The following GTF3C3 variants were observed in gnomAD, a reference collection of about 807,000 sequenced individuals.
GTF3C3 encodes general transcription factor 3C polypeptide 3.
GTF3C3 carries 75 observed loss-of-function variants against 105.2 expected under a neutral mutation model. The observed-to-expected ratio is 0.71, with a 90% confidence interval of 0.59 to 0.86. GTF3C3 has a LOEUF of 0.86. Among genes scored for constraint, GTF3C3 ranks in the 40% least tolerant of loss-of-function variants. The pLI, the probability that GTF3C3 is intolerant of heterozygous loss-of-function variation, is 0.00. For missense variants in GTF3C3, 856 were observed against 1,076.5 expected, an observed-to-expected ratio of 0.80 and a Z score of 2.87; for synonymous variants, 335 against 370.4, an observed-to-expected ratio of 0.90 and a Z score of 1.10.
intron 8 of GTF3C3, among the ~76,000 whole-genome samples, chr2:196,782,123 T>G (rs923425032): frequency 3.9e-5 from 6 of 152,058 alleles, no homozygotes; most frequent in African/African-American, 1.4e-4. Flanking sequence ...TATTAAGAGG[T>G]GGGTCTTGGG....
chr2:196,781,357 A>AAAAAAAAAAAAAAAAATATAT, intron 8 of GTF3C3, among the ~76,000 whole-genome samples: 3 of 18,820 alleles, frequency 1.6e-4, no homozygotes, highest in Non-Finnish European at 3.0e-4. Flanking sequence ...AAAAAAAAAA[A>AAAAAAAAAAAAAAAAATATAT]ATATATATAT....
chr2:196,765,655 T>G (rs1699049194), intron 17 of GTF3C3, among the ~76,000 whole-genome samples: 1 of 150,732 alleles, frequency 6.6e-6, no homozygotes, highest in Admixed American at 6.6e-5. Context: ...AATAGTAAAT[T>G]TATATATAAA....
chr2:196,795,028 A>ATT (rs1037507103), intron 2 of GTF3C3, among the ~76,000 whole-genome samples: 2 of 145,854 alleles, frequency 1.4e-5, no homozygotes, highest in African/African-American at 5.1e-5. Context: ...CATGCCCAGC[A>ATT]TTTTTTTTGT....
At chr2:196,797,935 C>A (rs760305100) in intron 1 of GTF3C3, 27 bp from the exon 2 acceptor site, 9 of 1,263,578 alleles carry the variant, frequency 7.1e-6, no homozygotes, top group Non-Finnish European at 1.0e-5. Context: ...ATTAATGATT[C>A]CAAAAAATAA....
Position 196,789,991 on chromosome 2 carries a change from A to C in GTF3C3, c.615T>G (p.Phe205Leu), listed in dbSNP as rs571354718. The C allele has an allele frequency of 6.2e-7, 1 of 1,613,626 alleles. No individual in the cohort carries two copies. The highest frequency in any genetic ancestry group is 1.3e-5 in the African/African-American group (1 of 75,030). The part of the protein sequence containing the change: ...DQGDMEKSLQ[F>L]ELIAAHLNPS... The stretch of plus-strand genomic sequence containing the variant: ...GATTTAAATGCGCAGCAATCAACTC[A>C]AACTGCAATGATTTTTCCATGTCAC... The change falls in exon 5 of 18, where the codon TTT becomes TTG. Residue 205 changes from phenylalanine (F) to leucine (L), a missense_variant. By Grantham distance (22) the Phe-to-Leu change is conservative. Around this residue, in one of 3 missense-constraint regions of GTF3C3, gnomAD observed 605 missense variants for 833.6 expected, o/e 0.73. Transcript: ENST00000263956.
intron 12 of GTF3C3, 61 bp from the exon 13 acceptor site, chr2:196,775,312 G>A: frequency 6.8e-7 from 1 of 1,461,964 alleles, no homozygotes. Flanking sequence ...TAGAGACAAA[G>A]TCTTGTTATG....
In GTF3C3 at chr2:196,799,630, T is replaced by G; in HGVS notation, c.-19A>C. Reference sequence around the variant, plus strand: ...CTGACATGTTTACAGGGTCTGTCTGTGCAACCCCAGGAACCGGGACAGAGA... The same window carrying G: ...CTGACATGTTTACAGGGTCTGTCTGGGCAACCCCAGGAACCGGGACAGAGA... On this transcript the variant is annotated 5_prime_UTR_variant, in exon 1 of 18. Coordinates refer to ENST00000263956, the MANE Select transcript of GTF3C3 (RefSeq NM_012086.5). The G allele has an allele frequency of 6.4e-7, 1 of 1,561,958 alleles. No individual in the cohort carries two copies.
intron 4 of GTF3C3, 55 bp downstream of exon 4, chr2:196,791,282 G>C (rs1255283657): frequency 2.5e-6 from 4 of 1,579,462 alleles, no homozygotes; most frequent in Non-Finnish European, 3.5e-6. Context: ...TCCCCCATTT[G>C]TTTTAAGTCA....
rs751872209 is a variant in GTF3C3 at position 196,764,556 on chromosome 2, C to T, written c.*7G>A. The T allele has an allele frequency of 1.2e-5, 19 of 1,611,366 alleles. No homozygotes were observed. Among genetic ancestry groups the T allele is most frequent in the Non-Finnish European group, 1.4e-5 (16 of 1,178,406 alleles). On this transcript the variant is annotated 3_prime_UTR_variant, in exon 18 of 18. Transcript: ENST00000263956. ...GCTGCCATTGCTCTGTTCTCAGTTG[C>T]GGTGCTTTATATAGAACAATAGGTA...
rs971203758 is a variant in GTF3C3, at chr2:196,773,801, G to A, written c.1832-648C>T. The A allele has an allele frequency of 2.8e-4, 73 of 262,022 alleles. 1 individual carries two copies. Among genetic ancestry groups the A allele is most frequent in the Non-Finnish European group, 4.5e-4 (57 of 126,764 alleles). The allele number at this position is 262,022 out of a possible 1,614,324, so 16.2% of individuals were successfully genotyped here. A position where few individuals can be genotyped will look rare whatever the true frequency, so the allele number is the denominator to read the frequency against. On this transcript the variant is annotated intron_variant, in intron 13 of 17. Transcript: ENST00000263956. ...AAGGAGCGTGCAACCTAGATCCCTCGCATGGGCAGTTTACAATAGGGTTTG... is the reference window on the plus strand; with the variant it reads ...AAGGAGCGTGCAACCTAGATCCCTCACATGGGCAGTTTACAATAGGGTTTG...
At chr2:196,769,667 C>T (rs1699135860) in intron 16 of GTF3C3, among the ~76,000 whole-genome samples, 1 of 152,030 alleles carries the variant, frequency 6.6e-6, no homozygotes, top group Non-Finnish European at 1.5e-5. Context: ...TGCATTCCTC[C>T]AGATTCTGCC....
At chr2:196,789,512 C>G in intron 5 of GTF3C3, 143 bp from the exon 6 acceptor site, 1 of 600,266 alleles carries the variant, frequency 1.7e-6, no homozygotes, top group Non-Finnish European at 2.9e-6. Flanking sequence ...TCTATATTCA[C>G]AGGAACTCTT....
Position 196,786,340 on chromosome 2 carries a change from C to T in GTF3C3, c.894-752G>A, listed in dbSNP as rs1353784261. On this transcript the variant is annotated intron_variant, in intron 6 of 17. Transcript: ENST00000263956. This position sits in a 1 kb window ranked among gnomAD's most constrained non-coding sequence, Gnocchi z 4.2. ...TGTGGGGCAGTAATGTCCTAGACAA[C>T]TATTGACATCTCTCTCTTTTCAAAC... Among the ~76,000 whole-genome samples, 1 of 152,176 alleles carries T rather than the reference C, an allele frequency of 6.6e-6. No individual in the cohort carries two copies. Among genetic ancestry groups the T allele is most frequent in the African/African-American group, 2.4e-5 (1 of 41,444 alleles).
rs551864113 is a variant in GTF3C3, at chr2:196,784,817, G to C, written c.1114+40C>G. On this transcript the variant is annotated intron_variant, in intron 8 of 17. Transcript: ENST00000263956. ...ATAAAACGCCACCTTATGACCAAGA[G>C]AGGATTATATACACTTTCCTAAGCA... 3.9e-6 allele frequency: 6 copies of C among 1,553,656 alleles called. No homozygotes were observed. The African/African-American group carries it at 5.5e-5, about 14-fold the overall frequency.
In GTF3C3 at chr2:196,799,654, G is replaced by T; in HGVS notation, c.-43C>A. 7.1e-7 allele frequency: 1 copy of T among 1,404,138 alleles called. No homozygotes were observed. Among genetic ancestry groups the T allele is most frequent in the South Asian group, 1.2e-5 (1 of 86,492 alleles). 87.0% of individuals were successfully genotyped at this position (1,404,138 alleles called of 1,614,324 possible). A position where few individuals can be genotyped will look rare whatever the true frequency, so the allele number is the denominator to read the frequency against. ...GTGCAACCCCAGGAACCGGGACAGA[G>T]AACCGGAAGAGCAGCGCCTTCCAGA... On this transcript the variant is annotated 5_prime_UTR_variant, in exon 1 of 18. Transcript: ENST00000263956.
intron 16 of GTF3C3, among the ~76,000 whole-genome samples, chr2:196,767,583 A>AT (rs1297833923): frequency 6.6e-6 from 1 of 152,212 alleles, no homozygotes; most frequent in African/African-American, 2.4e-5. Context: ...ATTATTTTAA[A>AT]TGAATGCATT....
chr2:196,766,010 C>CAAAAAAAAA (rs11424716), intron 17 of GTF3C3, among the ~76,000 whole-genome samples: 10 of 87,132 alleles, frequency 1.1e-4, no homozygotes, highest in African/African-American at 4.5e-4. Flanking sequence ...ACTCTGTCTC[C>CAAAAAAAAA]AAAAAAAAAA....
At chr2:196,765,073 ACTT>A (rs1008871935) in intron 17 of GTF3C3, among the ~76,000 whole-genome samples, 85 of 152,290 alleles carry the variant, frequency 5.6e-4, no homozygotes, top group African/African-American at 1.9e-3. Context: ...TTCATAAAAA[ACTT>A]CTCTGTGTAA....
In GTF3C3 at chr2:196,799,652, G is replaced by C. The variant is rs761684822; in HGVS notation, c.-41C>G. The C allele has an allele frequency of 5.3e-5, 77 of 1,442,156 alleles. No homozygotes were observed. The highest frequency in any genetic ancestry group is 3.5e-4 in the Middle Eastern group (2 of 5,740). 89.3% of individuals were successfully genotyped at this position (1,442,156 alleles called of 1,614,324 possible). On this transcript the variant is annotated 5_prime_UTR_variant, in exon 1 of 18. Transcript: ENST00000263956. ...CTGTGCAACCCCAGGAACCGGGACA[G>C]AGAACCGGAAGAGCAGCGCCTTCCA...
Sources: allele counts gnomAD v4.1 joint callset (sites outside exome capture counted in the v4.1 genomes callset), GRCh38; gene constraint gnomAD v4.1.1; regional missense constraint gnomAD v4.1.1; non-coding constraint Gnocchi (gnomAD v3.1); transcripts MANE v1.5; gene names NCBI Gene and HGNC (gene_info 2026-07-23, HGNC 2026-07-21).